Variants in SMTNL2 observed in about 807,000 individuals in gnomAD.
SMTNL2 encodes the protein smoothelin like 2, also known as smoothelin-like protein 2.
SMTNL2 carries 43 observed loss-of-function variants against 44.1 expected under a neutral mutation model. The observed-to-expected ratio is 0.98, with a 90% CI of 0.76 to 1.26. The LOEUF is 1.26. SMTNL2 is among the 50% of genes most tolerant of loss of function. The pLI is 0.00. For missense variants in SMTNL2, 646 were observed against 670.2 expected (o/e 0.96, Z 0.40); for synonymous variants, 317 against 287.6 (o/e 1.10, Z -1.03).
At chr17:4,585,831 G>A (rs1414250762) in intron 1 of SMTNL2, among the ~76,000 whole-genome samples, 1 of 152,226 alleles carries the variant, frequency 6.6e-6, no homozygotes, top group Non-Finnish European at 1.5e-5. Context: ...CCTCCTTGGT[G>A]CAATCCCTGG....
At chr17:4,586,037 T>C (rs1213035619) in intron 1 of SMTNL2, among the ~76,000 whole-genome samples, 1 of 151,894 alleles carries the variant, frequency 6.6e-6, no homozygotes, top group Non-Finnish European at 1.5e-5. Context: ...GGCTTTGTGC[T>C]GGGGGCCTGG....
rs534217096 is a variant in SMTNL2 at position 4,587,311 on chromosome 17, G to A, written c.399+2307G>A. Among the ~76,000 whole-genome samples, 38 of 152,296 alleles carry A rather than the reference G, an allele frequency of 2.5e-4. No homozygotes were observed. In the East Asian group the frequency reaches 5.8e-3, roughly 23 times the overall value. Reference sequence around the variant, plus strand: ...GCTCCCGGGGCCTGAGGCAGCTGCCGCTGGGCTGACCCCCGAAGCACCAAT... The same window carrying A: ...GCTCCCGGGGCCTGAGGCAGCTGCCACTGGGCTGACCCCCGAAGCACCAAT... On this transcript the variant is annotated intron_variant, in intron 1 of 7. Coordinates refer to ENST00000389313, the MANE Select transcript of SMTNL2 (RefSeq NM_001114974.2).
In SMTNL2 at chr17:4,605,153, G is replaced by GTTTT. The variant is rs753950451; in HGVS notation, c.1260-2185_1260-2182dup. 4.3e-4 allele frequency among the ~76,000 whole-genome samples: 35 copies of GTTTT among 82,240 alleles called. 1 individual carries two copies. The highest frequency in any genetic ancestry group is 1.0e-3 in the African/African-American group (19 of 18,496). The allele number at this position is 82,240 out of a possible 152,430, so 54.0% of individuals were successfully genotyped here. A position where few individuals can be genotyped will look rare whatever the true frequency, so the allele number is the denominator to read the frequency against. On this transcript the variant is annotated intron_variant, in intron 7 of 7. Transcript: ENST00000389313. ...GAATAATCTCTGACTTTTTTGTTTG[G>GTTTT]TTTTTTTTTTTTTTTTTTTTTTTTT...
intron 4 of SMTNL2, among the ~76,000 whole-genome samples, 154 bp downstream of exon 4, chr17:4,594,051 G>C (rs1356714044): frequency 1.3e-5 from 2 of 152,140 alleles, no homozygotes; most frequent in African/African-American, 4.8e-5. Context: ...ATGGGGGGAA[G>C]GTCTGAGCAG....
In SMTNL2 at chr17:4,607,364, T is replaced by C. The variant is rs757059966; in HGVS notation, c.1263T>C (p.Asn421=). The C allele has an allele frequency of 6.2e-7, 1 of 1,614,030 alleles. No homozygotes were observed. Among genetic ancestry groups the C allele is most frequent in the South Asian group, 1.1e-5 (1 of 91,052 alleles). ...TGACGGGGCTTGTGTGTTTCAGGAA[T>C]CTGGCCAACTGTGAGCGCCTCATCG... is the stretch of plus-strand genomic sequence containing the variant. The part of the protein sequence containing the change: ...NFELAFTMAE[N]LANCERLIEV... The change falls in exon 8 of 8, where the codon AAT becomes AAC. Residue 421 remains asparagine, a synonymous_variant. Transcript: ENST00000389313. This position sits in a 1 kb window ranked among gnomAD's most constrained non-coding sequence, Gnocchi z 4.7.
chr17:4,606,566 G>T (rs762819326), intron 7 of SMTNL2, among the ~76,000 whole-genome samples: 1 of 152,024 alleles, frequency 6.6e-6, no homozygotes, highest in Non-Finnish European at 1.5e-5. Flanking sequence ...TTCAAGACCA[G>T]TCTGGGTAAC....
chr17:4,592,485 T>C lies in SMTNL2; in HGVS notation c.487+37T>C, dbSNP rs1325722257. The C allele has an allele frequency of 1.3e-6, 2 of 1,589,044 alleles. No homozygotes were observed. The highest frequency in any genetic ancestry group is 1.1e-5 in the South Asian group (1 of 87,984). On this transcript the variant is annotated intron_variant, in intron 2 of 7. Transcript: ENST00000389313. This position sits in a 1 kb window ranked among gnomAD's most constrained non-coding sequence, Gnocchi z 4.5. Reference sequence around the variant, plus strand: ...GGCAGAGGAGGGGTGGCTGGGTAGGTTTGGGGGTTAAGTAAGGCCTTGGTC... The same window carrying C: ...GGCAGAGGAGGGGTGGCTGGGTAGGCTTGGGGGTTAAGTAAGGCCTTGGTC...
chr17:4,601,595 C>T (rs1391370358), intron 7 of SMTNL2, among the ~76,000 whole-genome samples: 1 of 152,124 alleles, frequency 6.6e-6, no homozygotes, highest in Admixed American at 6.5e-5. Context: ...GCAATCACAG[C>T]TCACTGTAGC....
At chr17:4,599,739 G>A (rs886950260) in intron 7 of SMTNL2, among the ~76,000 whole-genome samples, 7 of 152,220 alleles carry the variant, frequency 4.6e-5, no homozygotes, top group African/African-American at 1.2e-4. Context: ...GAGCGATTCC[G>A]GGCTGTGCTT....
chr17:4,601,742 A>T, intron 7 of SMTNL2, among the ~76,000 whole-genome samples: 1 of 150,940 alleles, frequency 6.6e-6, no homozygotes, highest in Non-Finnish European at 1.5e-5. Context: ...CTGGTCTCAA[A>T]CTCCTGGCCT....
chr17:4,601,414 C>A (rs202168946), intron 7 of SMTNL2, among the ~76,000 whole-genome samples: 9 of 149,086 alleles, frequency 6.0e-5, no homozygotes, highest in African/African-American at 4.9e-5. Context: ...GACCTCATCT[C>A]AAAAAAAAAA....
intron 7 of SMTNL2, among the ~76,000 whole-genome samples, chr17:4,605,153 GT>G (rs753950451): frequency 0.021 from 1,693 of 82,188 alleles, 8 homozygotes; most frequent in African/African-American, 0.066. Flanking sequence ...TTTTTGTTTG[GT>G]TTTTTTTTTT....
chr17:4,604,595 C>T (rs950993560), intron 7 of SMTNL2, among the ~76,000 whole-genome samples: 5 of 152,212 alleles, frequency 3.3e-5, no homozygotes, highest in Admixed American at 2.6e-4. Flanking sequence ...CTCTGGGGAA[C>T]AAGATGCATA....
intron 1 of SMTNL2, among the ~76,000 whole-genome samples, chr17:4,590,331 C>T (rs77154567): frequency 0.14 from 21,712 of 152,016 alleles, 1,763 homozygotes; most frequent in Middle Eastern, 0.21. Flanking sequence ...TTCAGGGGCT[C>T]CTCCTACGTC....
intron 1 of SMTNL2, among the ~76,000 whole-genome samples, chr17:4,586,890 G>GT (rs1909365621): frequency 6.6e-6 from 1 of 152,124 alleles, no homozygotes; most frequent in African/African-American, 2.4e-5. Context: ...GAGATGCTGG[G>GT]TTCCACCCGG....
intron 1 of SMTNL2, among the ~76,000 whole-genome samples, chr17:4,589,555 T>C (rs1402050134): frequency 7.9e-5 from 12 of 152,164 alleles, no homozygotes; most frequent in African/African-American, 2.4e-4. Flanking sequence ...CCTCCCACTC[T>C]TGAATCAAGA....
Position 4,607,276 on chromosome 17 carries a change from C to T in SMTNL2, c.1260-85C>T. 1 of 1,587,252 alleles carries T rather than the reference C, an allele frequency of 6.3e-7. No homozygotes were observed. The highest frequency in any genetic ancestry group is 8.6e-7 in the Non-Finnish European group (1 of 1,164,956). On this transcript the variant is annotated intron_variant, in intron 7 of 7. Transcript: ENST00000389313. The surrounding 1 kb of genome is among the most constrained non-coding windows in gnomAD (Gnocchi z 4.7). ...TCTGGCTGCCGGCTGAGCTCTGTTCCCGGGACCGAGACACCGGCCCTGTCG... is the reference window on the plus strand; with the variant it reads ...TCTGGCTGCCGGCTGAGCTCTGTTCTCGGGACCGAGACACCGGCCCTGTCG...
intron 7 of SMTNL2, among the ~76,000 whole-genome samples, chr17:4,601,703 A>C (rs187452851): frequency 1.4e-5 from 2 of 147,424 alleles, no homozygotes; most frequent in African/African-American, 2.5e-5. Context: ...TTTTTTTTTT[A>C]GAGACGGGGT....
rs958262388 is a variant in SMTNL2, at chr17:4,584,707, C to T, written c.102C>T (p.Asp34=). The T allele has an allele frequency of 9.2e-6, 12 of 1,298,362 alleles. No homozygotes were observed. In the Admixed American group the frequency reaches 1.2e-4, roughly 13 times the overall value. The allele number at this position is 1,298,362 out of a possible 1,614,324, so 80.4% of individuals were successfully genotyped here. ...GTGCGGTGCGCGCGCTGCACGAGGA[C>T]ATGCGGGGGCTGCAGCGCGGCGTGG... is the stretch of plus-strand genomic sequence containing the variant. ...LEGAVRALHE[D]MRGLQRGVER... is the part of the protein sequence containing the mutation. The change falls in exon 1 of 8, where the codon GAC becomes GAT. Residue 34 remains aspartate (D), a synonymous_variant. Coordinates refer to ENST00000389313, the MANE Select transcript of SMTNL2 (RefSeq NM_001114974.2).
Sources: allele counts gnomAD v4.1 joint callset (sites outside exome capture counted in the v4.1 genomes callset), GRCh38; gene constraint gnomAD v4.1.1; non-coding constraint Gnocchi (gnomAD v3.1); transcripts MANE v1.5; gene names NCBI Gene and HGNC (gene_info 2026-07-23, HGNC 2026-07-21).